Variants in C10orf143 observed in about 807,000 individuals in gnomAD.
C10orf143 encodes uncharacterized protein C10orf143.
At chr10:130,077,788 T>C (rs1436298931) in intron 3 of C10orf143, among the ~76,000 whole-genome samples, 1 of 152,208 alleles carries the variant, frequency 6.6e-6, no homozygotes, top group East Asian at 1.9e-4. Flanking sequence ...GGAGAGAAAC[T>C]AGCCATATTA....
At chr10:130,069,348 TATA>T (rs1860992742) in intron 3 of C10orf143, among the ~76,000 whole-genome samples, 1 of 152,172 alleles carries the variant, frequency 6.6e-6, no homozygotes, top group Non-Finnish European at 1.5e-5. Flanking sequence ...ACATTGAAAT[TATA>T]ATGATAGAGA....
At chr10:130,047,240 C>G (rs1860686269) in intron 3 of C10orf143, among the ~76,000 whole-genome samples, 1 of 152,162 alleles carries the variant, frequency 6.6e-6, no homozygotes. Context: ...GGTGTGGACC[C>G]CATGGGGTTG....
chr10:130,110,261 C>T (rs187740849), intron 1 of C10orf143, among the ~76,000 whole-genome samples: 2 of 152,316 alleles, frequency 1.3e-5, no homozygotes, highest in Admixed American at 6.5e-5. Context: ...CGTGTTCGCT[C>T]CCCACGTACT....
At chr10:130,036,031 G>A (rs980515781) in intron 3 of C10orf143, 2 of 152,256 alleles carry the variant, frequency 1.3e-5, no homozygotes, top group African/African-American at 4.8e-5. Context: ...ACACAAATTC[G>A]ATCATATCTG....
At chr10:130,068,014 AAGG>A (rs1590015843) in intron 3 of C10orf143, 2 of 152,444 alleles carry the variant, frequency 1.3e-5, no homozygotes, top group African/African-American at 2.4e-5. Context: ...CAGAACCTGG[AAGG>A]AGGAGATGAC....
intron 3 of C10orf143, among the ~76,000 whole-genome samples, chr10:130,071,195 T>C (rs1195730257): frequency 1.3e-5 from 2 of 152,160 alleles, no homozygotes; most frequent in African/African-American, 4.8e-5. Flanking sequence ...AACAAATATT[T>C]TGTATACACT....
intron 3 of C10orf143, among the ~76,000 whole-genome samples, chr10:130,052,617 C>T (rs141565000): frequency 6.6e-6 from 1 of 152,340 alleles, no homozygotes; most frequent in Non-Finnish European, 1.5e-5. Context: ...ACCTTGTCAT[C>T]ATAGACTTTT....
intron 1 of C10orf143, among the ~76,000 whole-genome samples, chr10:130,103,624 T>C (rs1019516192): frequency 6.6e-6 from 1 of 151,816 alleles, no homozygotes; most frequent in African/African-American, 2.4e-5. Context: ...CTGGGCAACA[T>C]GGCAAGATCC....
chr10:130,071,810 G>A (rs1050051275), intron 3 of C10orf143, among the ~76,000 whole-genome samples: 1 of 152,110 alleles, frequency 6.6e-6, no homozygotes, highest in Admixed American at 6.6e-5. Flanking sequence ...TTGCAGTAGA[G>A]ATGCAGTTTC....
chr10:130,052,900 T>C lies in C10orf143; in HGVS notation c.298-16930A>G, dbSNP rs563613348. On this transcript the variant is annotated intron_variant and NMD_transcript_variant, in intron 3 of 5. Transcript: ENST00000643056. ...TTCCAAACAGCTAACTCTAGTCGAG[T>C]AGTGGTGGAGGTCATTCGTACAGTA... Among the ~76,000 whole-genome samples the C allele has an allele frequency of 1.4e-4, 21 of 152,150 alleles. No homozygotes were observed. The South Asian group carries it at 4.4e-3, about 32-fold the overall frequency.
At chr10:130,085,707 T>C (rs368984533) in intron 1 of C10orf143, among the ~76,000 whole-genome samples, 1 of 152,204 alleles carries the variant, frequency 6.6e-6, no homozygotes, top group Non-Finnish European at 1.5e-5. Flanking sequence ...AAGTGAAGGA[T>C]GTATATGAAC....
In C10orf143 at chr10:130,098,864, A is replaced by G. The variant is rs1329971849; in HGVS notation, c.69+11840T>C. Among the ~76,000 whole-genome samples, 3 of 152,160 alleles carry G rather than the reference A, an allele frequency of 2.0e-5. No homozygotes were observed. In the South Asian group the frequency reaches 6.2e-4, roughly 32 times the overall value. On this transcript the variant is annotated intron_variant, in intron 1 of 3. Coordinates refer to ENST00000637128, the MANE Select transcript of C10orf143 (RefSeq NM_001355042.2). ...CACTTTGGGAGGCCGAGGTGGGTGG[A>G]TCACTGAGATCAGGAGTTCAAGACC...
At chr10:130,040,701 C>T (rs186285049) in intron 3 of C10orf143, among the ~76,000 whole-genome samples, 19 of 152,072 alleles carry the variant, frequency 1.2e-4, no homozygotes, top group African/African-American at 4.3e-4. Context: ...GGCTTGGTGG[C>T]GGGTGCCTGT....
chr10:130,050,464 C>T (rs1285782490), intron 3 of C10orf143, among the ~76,000 whole-genome samples: 1 of 152,210 alleles, frequency 6.6e-6, no homozygotes, highest in African/African-American at 2.4e-5. Context: ...GTCAAAGCTG[C>T]AGTGAGCCCT....
Sources: allele counts gnomAD v4.1 joint callset (sites outside exome capture counted in the v4.1 genomes callset), GRCh38; gene constraint gnomAD v4.1.1; transcripts MANE v1.5; gene names NCBI Gene and HGNC (gene_info 2026-07-23, HGNC 2026-07-21).